The following SNX29 variants were observed in gnomAD, a reference collection of about 807,000 sequenced individuals.
SNX29 encodes the protein sorting nexin 29, also known as sorting nexin-29.
In SNX29, 78 loss-of-function variants were observed where a neutral mutation model predicts 102.1. The ratio of observed to expected loss-of-function variants is 0.76; its 90% CI spans 0.64 to 0.92. The LOEUF is 0.92. SNX29 is among the 40% of genes least tolerant of loss of function. The pLI, the probability that SNX29 is intolerant of heterozygous loss-of-function variation, is 0.00. For synonymous variants in SNX29, 580 were observed against 414.5 expected, an observed-to-expected ratio of 1.40 and a Z score of -4.85; for missense variants, 1,280 against 1,061.7, an observed-to-expected ratio of 1.21 and a Z score of -2.86.
intron 1 of SNX29, among the ~76,000 whole-genome samples, chr16:11,985,207 C>T (rs530537112): frequency 6.6e-6 from 1 of 151,978 alleles, no homozygotes; most frequent in African/African-American, 2.4e-5. Flanking sequence ...CTGGTGGAAG[C>T]AGAGGTTGGC....
At chr16:12,216,355 T>C (rs754444596) in intron 14 of SNX29, among the ~76,000 whole-genome samples, 8 of 152,212 alleles carry the variant, frequency 5.3e-5, no homozygotes, top group Non-Finnish European at 1.0e-4. Flanking sequence ...CATGGACTTT[T>C]TATGGGCTCA....
chr16:12,184,479 C>G (rs993979759), intron 13 of SNX29, among the ~76,000 whole-genome samples: 1 of 152,190 alleles, frequency 6.6e-6, no homozygotes, highest in African/African-American at 2.4e-5. Context: ...TTCAGATCTC[C>G]TAGAGCCTCC....
chr16:12,361,233 G>A (rs1390044798), intron 16 of SNX29, among the ~76,000 whole-genome samples: 1 of 152,188 alleles, frequency 6.6e-6, no homozygotes, highest in African/African-American at 2.4e-5. Flanking sequence ...CAACACCAGG[G>A]GTCCCAGCCT....
Position 12,056,272 on chromosome 16 carries a change from G to A in SNX29, c.1124+4050G>A, listed in dbSNP as rs2050517251. On this transcript the variant is annotated intron_variant, in intron 8 of 20. Transcript: ENST00000566228. ...CCCCATGGGTGAGGCTGGTGTGTGA[G>A]CCAAGGCAGCCCCCAGCATTGTGTG... is the stretch of plus-strand genomic sequence containing the variant. Among the ~76,000 whole-genome samples the A allele has an allele frequency of 2.6e-5, 4 of 152,164 alleles. No homozygotes were observed. In the South Asian group the frequency reaches 8.3e-4, roughly 32 times the overall value.
intron 14 of SNX29, among the ~76,000 whole-genome samples, chr16:12,255,473 C>T (rs951799349): frequency 2.0e-5 from 3 of 152,186 alleles, no homozygotes; most frequent in Non-Finnish European, 2.9e-5. Context: ...TGTCCCCTAA[C>T]CCGCCAGAAC....
intron 16 of SNX29, among the ~76,000 whole-genome samples, chr16:12,364,150 G>C (rs568599756): frequency 4.1e-5 from 5 of 120,554 alleles, no homozygotes; most frequent in Non-Finnish European, 8.7e-5. Context: ...GCGCCACCAA[G>C]CCTGGCTTGT....
chr16:11,988,641 TC>T lies in SNX29; in HGVS notation c.8-10653del, dbSNP rs371957232. ...TCTCAAACTCCTAGGCTCAAGCAAT[TC>T]CCTTGTCTCTACCTCCCAAAATGCC... On this transcript the variant is annotated intron_variant, in intron 1 of 20. Coordinates refer to ENST00000566228, the MANE Select transcript of SNX29 (RefSeq NM_032167.5). Among the ~76,000 whole-genome samples, 55 of 152,226 alleles carry T rather than the reference TC, an allele frequency of 3.6e-4. 2 individuals are homozygous for T. The South Asian group carries it at 0.011, about 32-fold the overall frequency.
chr16:12,548,183 T>C (rs1396296263), intron 20 of SNX29, among the ~76,000 whole-genome samples: 1 of 152,234 alleles, frequency 6.6e-6, no homozygotes, highest in Non-Finnish European at 1.5e-5. Context: ...GCTCTCTTGC[T>C]CATCCCACAG....
chr16:12,458,401 A>T (rs748694503), intron 18 of SNX29, among the ~76,000 whole-genome samples: 3 of 152,210 alleles, frequency 2.0e-5, no homozygotes, highest in African/African-American at 4.8e-5. Flanking sequence ...AGGAGGAAGA[A>T]GCATCAAACG....
At chr16:12,358,298 A>C (rs1476401032) in intron 16 of SNX29, among the ~76,000 whole-genome samples, 1 of 152,192 alleles carries the variant, frequency 6.6e-6, no homozygotes, top group African/African-American at 2.4e-5. Context: ...TAATTCCCGT[A>C]GCCCTTGTTG....
At chr16:12,036,729 G>C (rs1641836) in intron 4 of SNX29, among the ~76,000 whole-genome samples, 46,956 of 151,856 alleles carry the variant, frequency 0.31, 8,412 homozygotes, top group African/African-American at 0.49. Flanking sequence ...CCCTCACCCC[G>C]CATGGCTGTG....
intron 20 of SNX29, among the ~76,000 whole-genome samples, chr16:12,548,317 C>G (rs2077738796): frequency 6.6e-6 from 1 of 152,210 alleles, no homozygotes; most frequent in Non-Finnish European, 1.5e-5. Flanking sequence ...CCCTACTCTC[C>G]TGGCTTGGTG....
intron 7 of SNX29, among the ~76,000 whole-genome samples, chr16:12,049,135 T>C (rs928390215): frequency 1.3e-5 from 2 of 152,088 alleles, no homozygotes; most frequent in African/African-American, 4.8e-5. Context: ...GGGGATGGCA[T>C]TTAAGGCCTC....
chr16:12,229,496 A>T (rs1389402474), intron 14 of SNX29, among the ~76,000 whole-genome samples: 1 of 152,174 alleles, frequency 6.6e-6, no homozygotes, highest in Admixed American at 6.5e-5. Flanking sequence ...CAATGTAGAG[A>T]TACTTTTGTG....
chr16:12,391,313 A>C (rs549277267), intron 16 of SNX29, among the ~76,000 whole-genome samples: 1 of 152,336 alleles, frequency 6.6e-6, no homozygotes, highest in African/African-American at 2.4e-5. Flanking sequence ...CAAACATCAT[A>C]GGTTAATTAA....
intron 14 of SNX29, among the ~76,000 whole-genome samples, chr16:12,232,790 A>G (rs1393530044): frequency 1.3e-5 from 2 of 152,188 alleles, no homozygotes; most frequent in Non-Finnish European, 2.9e-5. Context: ...GCTGGAAAGG[A>G]GATGACACAC....
At chr16:12,161,697 T>G (rs1382445947) in intron 13 of SNX29, among the ~76,000 whole-genome samples, 1 of 152,140 alleles carries the variant, frequency 6.6e-6, no homozygotes, top group Non-Finnish European at 1.5e-5. Flanking sequence ...TGGTCATGAG[T>G]GAGTTCTTGC....
At chr16:12,160,145 C>G (rs564631208) in intron 13 of SNX29, among the ~76,000 whole-genome samples, 52 of 152,324 alleles carry the variant, frequency 3.4e-4, no homozygotes, top group African/African-American at 1.1e-3. Context: ...GGAAATGATG[C>G]TGGTGAGGCC....
At chr16:12,001,610 C>G (rs1172150737) in intron 2 of SNX29, among the ~76,000 whole-genome samples, 2 of 151,994 alleles carry the variant, frequency 1.3e-5, no homozygotes, top group Non-Finnish European at 2.9e-5. Flanking sequence ...TACACACACA[C>G]ATATACACAT....
Sources: gnomAD v4.1 joint callset for allele counts (sites outside exome capture counted in the v4.1 genomes callset) on GRCh38, gnomAD v4.1.1 for gene constraint, MANE v1.5 for transcripts, NCBI Gene and HGNC (gene_info 2026-07-23, HGNC 2026-07-21) for gene names.